The following MIA3 variants were observed in gnomAD, a reference collection of about 807,000 sequenced individuals.
The protein encoded by MIA3 is transport and Golgi organization protein 1 homolog.
MIA3 carries 90 observed loss-of-function variants against 192.4 expected under a neutral mutation model. The ratio of observed to expected loss-of-function variants is 0.47; its 90% CI spans 0.39 to 0.56. MIA3 has a LOEUF of 0.56. Ranked by LOEUF, MIA3 falls within the 20% of genes least tolerant of loss-of-function variation. The probability of loss-of-function intolerance (pLI) is 0.00; values close to 1 mark genes in which losing one functional copy is unlikely to be tolerated. For missense variants in MIA3, 2,123 were observed against 2,269.4 expected (o/e 0.94, Z 1.31); for synonymous variants, 740 against 792.8 (o/e 0.93, Z 1.12).
chr1:222,630,210 G>A lies in MIA3; in HGVS notation c.2990G>A (p.Arg997His), dbSNP rs527835375. The change falls in exon 4 of 28, where the codon CGT (arginine) becomes CAT (histidine). Residue 997 changes from arginine to histidine, a missense_variant. This residue lies in a region of MIA3 where 1,357 missense variants were observed against 1,396.1 expected (regional missense o/e 0.97). Transcript: ENST00000344922. ...ATAGCAGAAAAAATGCTTGATACTC[G>A]TGTGGCTGAAAATAGAGATCTGGGA... ...LSIAEKMLDT[R>H]VAENRDLGMN... The A allele has an allele frequency of 9.9e-6, 16 of 1,614,050 alleles. No homozygotes were observed. The highest frequency in any genetic ancestry group is 6.7e-5 in the East Asian group (3 of 44,902).
intron 6 of MIA3, chr1:222,644,266 T>C (rs1333495097): frequency 5.1e-6 from 7 of 1,377,514 alleles, no homozygotes; most frequent in African/African-American, 1.5e-5. Context: ...GGCCGGCTCC[T>C]TTGGTGCCTT....
rs773663276 is a variant in MIA3, at chr1:222,654,651, A to G, written c.4469-4A>G. ...ATGGAACTCAAATGTTTTATCCTTTACAGACCAGGTAAAGAAATTGGAAGA... is the reference window on the plus strand; with the variant it reads ...ATGGAACTCAAATGTTTTATCCTTTGCAGACCAGGTAAAGAAATTGGAAGA... On this transcript the variant is annotated splice_region_variant and splice_polypyrimidine_tract_variant and intron_variant, in intron 17 of 27. Coordinates refer to ENST00000344922, the MANE Select transcript of MIA3 (RefSeq NM_198551.4). 3 of 1,613,754 alleles carry G rather than the reference A, an allele frequency of 1.9e-6. No homozygotes were observed. The highest frequency in any genetic ancestry group is 4.5e-5 in the East Asian group (2 of 44,896).
intron 6 of MIA3, chr1:222,644,589 G>A (rs1489880424): frequency 6.4e-7 from 1 of 1,550,524 alleles, no homozygotes. Flanking sequence ...TGCTGGAGGT[G>A]ACAGTCCCGA....
chr1:222,667,625 A>ATAAC lies in MIA3; in HGVS notation c.*2008_*2011dup, dbSNP rs1481767522. 1.3e-5 allele frequency: 2 copies of ATAAC among 152,220 alleles called. No homozygotes were observed. The highest frequency in any genetic ancestry group is 2.4e-5 in the African/African-American group (1 of 41,450). The allele number at this position is 152,220 out of a possible 1,614,324, so 9.4% of individuals were successfully genotyped here. ...TCTCTGAGAAGTTGTGAGCCAGTCC[A>ATAAC]TAACTGCTTCCTCACATCCATCTGA... On this transcript the variant is annotated 3_prime_UTR_variant, in exon 28 of 28. Coordinates refer to ENST00000344922, the MANE Select transcript of MIA3 (RefSeq NM_198551.4).
At position 222,659,714 on chromosome 1, in the gene MIA3, TG is replaced by T; in HGVS notation, c.4807-18del. 6.2e-7 allele frequency: 1 copy of T among 1,613,990 alleles called. No individual in the cohort carries two copies. Among genetic ancestry groups the T allele is most frequent in the Non-Finnish European group, 8.5e-7 (1 of 1,179,936 alleles). ...GTGCATAGTCTCCCACAACTGAATT[TG>T]GATATTTTTCTTCAATAGCTCAAAG... On this transcript the variant is annotated intron_variant, in intron 21 of 27. Transcript: ENST00000344922.
At chr1:222,621,347 AC>A in intron 2 of MIA3, 55 bp downstream of exon 2, 1 of 1,512,748 alleles carries the variant, frequency 6.6e-7, no homozygotes, top group Non-Finnish European at 9.0e-7. Context: ...CTTCTTTAGC[AC>A]TGTAGAGTTA....
chr1:222,623,272 T>G (rs1661959306), intron 2 of MIA3, among the ~76,000 whole-genome samples: 1 of 111,632 alleles, frequency 9.0e-6, no homozygotes, highest in Non-Finnish European at 1.8e-5. Flanking sequence ...GAGCCTATGT[T>G]TTTTTTTTTG....
chr1:222,658,875 C>CT (rs746625817), intron 19 of MIA3, 52 bp downstream of exon 19: 4 of 1,227,354 alleles, frequency 3.3e-6, no homozygotes, highest in Non-Finnish European at 4.7e-6. Context: ...CTAGTGTTGG[C>CT]TTTTTTTATT....
intron 26 of MIA3, chr1:222,662,767 A>C (rs1664090163): frequency 6.0e-6 from 1 of 167,076 alleles, no homozygotes; most frequent in Non-Finnish European, 1.3e-5. Flanking sequence ...GCTCTTAGGC[A>C]AAGTAAATTC....
In MIA3 at chr1:222,653,210, C is replaced by G. The variant is rs1331298099; in HGVS notation, c.4210-18C>G. The G allele has an allele frequency of 6.2e-7, 1 of 1,603,100 alleles. No homozygotes were observed. Among genetic ancestry groups the G allele is most frequent in the Admixed American group, 1.7e-5 (1 of 59,546 alleles). On this transcript the variant is annotated intron_variant, in intron 14 of 27. Transcript: ENST00000344922. ...ATTAAATGGAAAGACTCTTAATGCCCTTTTACTTCTTTTCTAGGCTTTGAC... is the reference window on the plus strand; with the variant it reads ...ATTAAATGGAAAGACTCTTAATGCCGTTTTACTTCTTTTCTAGGCTTTGAC...
Position 222,628,670 on chromosome 1 carries a change from G to C in MIA3, c.1450G>C (p.Glu484Gln). 3 of 1,614,034 alleles carry C rather than the reference G, an allele frequency of 1.9e-6. No homozygotes were observed. The highest frequency in any genetic ancestry group is 2.5e-6 in the Non-Finnish European group (3 of 1,179,984). The change falls in exon 4 of 28, where the codon GAA (glutamate) becomes CAA (glutamine). Residue 484 changes from glutamate (E) to glutamine (Q), a missense_variant. Physicochemically the swap from Glu to Gln is conservative, Grantham distance 29 (BLOSUM62 2). Around this residue, in one of 3 missense-constraint regions of MIA3, gnomAD observed 1,357 missense variants for 1,396.1 expected, o/e 0.97. Coordinates refer to ENST00000344922, the MANE Select transcript of MIA3 (RefSeq NM_198551.4). The part of the protein sequence containing the change: ...SKRGLVQDKT[E>Q]LEDENQEGMT... Reference sequence around the variant, plus strand: ...GAGGGGCCTGGTACAAGATAAGACAGAATTAGAGGATGAAAATCAAGAAGG... The same window carrying C: ...GAGGGGCCTGGTACAAGATAAGACACAATTAGAGGATGAAAATCAAGAAGG...
rs1418744857 is a variant in MIA3, at chr1:222,618,099, G to C, written c.-12G>C. 6.9e-7 allele frequency: 1 copy of C among 1,441,060 alleles called. No homozygotes were observed. Among genetic ancestry groups the C allele is most frequent in the Non-Finnish European group, 9.1e-7 (1 of 1,095,180 alleles). 89.3% of individuals were successfully genotyped at this position (1,441,060 alleles called of 1,614,324 possible). A position where few individuals can be genotyped will look rare whatever the true frequency, so the allele number is the denominator to read the frequency against. On this transcript the variant is annotated 5_prime_UTR_variant, in exon 1 of 28. Transcript: ENST00000344922. ...CTCCTCCGCGTCACCGGCTCCCCGA[G>C]GTGACCACAACATGGCTGCGGCGCC...
intron 24 of MIA3, chr1:222,661,629 A>T (rs1003397515): frequency 1.9e-5 from 3 of 160,590 alleles, no homozygotes; most frequent in African/African-American, 7.2e-5. Flanking sequence ...GTATTATAAA[A>T]GTAGCCTTAA....
intron 1 of MIA3, 119 bp from the exon 2 acceptor site, chr1:222,621,040 A>C: frequency 2.7e-6 from 2 of 751,268 alleles, no homozygotes; most frequent in Non-Finnish European, 4.2e-6. Context: ...TCCAGAGAGT[A>C]CTGGAAAAAC....
intron 6 of MIA3, chr1:222,644,513 C>T: frequency 6.4e-7 from 1 of 1,550,648 alleles, no homozygotes. Flanking sequence ...TCTATCGCCG[C>T]TACCCCGGGG....
In MIA3 at chr1:222,650,666, C is replaced by T. The variant is rs752494453; in HGVS notation, c.3753C>T (p.Thr1251=). The T allele has an allele frequency of 4.4e-6, 7 of 1,596,646 alleles. No homozygotes were observed. The Admixed American group carries it at 8.6e-5, about 20-fold the overall frequency. ...AATCAAAGAAACATGTTCAGGAAAC[C>T]AGGAAACAAAATATGATTCTCTCTG... ...IKESKKHVQE[T]RKQNMILSDE... Residue 1251 remains threonine (T), a synonymous_variant, in exon 10 of 28, where the codon ACC becomes ACT. Transcript: ENST00000344922.
intron 6 of MIA3, among the ~76,000 whole-genome samples, chr1:222,633,912 G>A (rs1023940045): frequency 3.3e-5 from 5 of 150,082 alleles, no homozygotes; most frequent in South Asian, 2.1e-4. Flanking sequence ...GTGCATTGGC[G>A]TGATCTCAGC....
chr1:222,623,915 C>G (rs145542974), intron 2 of MIA3, among the ~76,000 whole-genome samples: 19 of 152,314 alleles, frequency 1.2e-4, no homozygotes, highest in African/African-American at 3.6e-4. Context: ...GTGTATTACA[C>G]TGTAATTTTG....
intron 24 of MIA3, chr1:222,660,944 CAT>C (rs1211267525): frequency 6.6e-6 from 1 of 152,554 alleles, no homozygotes; most frequent in Non-Finnish European, 1.5e-5. Context: ...AGTTTTAAAT[CAT>C]AAATGCATAA....
Sources: allele counts gnomAD v4.1 joint callset (sites outside exome capture counted in the v4.1 genomes callset), GRCh38; gene constraint gnomAD v4.1.1; regional missense constraint gnomAD v4.1.1; transcripts MANE v1.5; gene names NCBI Gene and HGNC (gene_info 2026-07-23, HGNC 2026-07-21).